CNTN5: variants seen among roughly 807,000 people sequenced by gnomAD.
The protein encoded by CNTN5 is contactin 5, also known as contactin-5.
CNTN5 carries 77 observed loss-of-function variants against 129.1 expected under a neutral mutation model. The ratio of observed to expected loss-of-function variants is 0.60; its 90% confidence interval spans 0.50 to 0.72. The LOEUF (loss-of-function observed/expected upper bound fraction) is 0.72, where lower values mean the gene tolerates loss of function less well. Ranked by LOEUF, CNTN5 falls within the 30% of genes least tolerant of loss-of-function variation. CNTN5 has a pLI of 0.00. For missense variants in CNTN5, 1,478 were observed against 1,328.8 expected, an observed-to-expected ratio of 1.11 and a Z score of -1.75; for synonymous variants, 509 against 465.6, an observed-to-expected ratio of 1.09 and a Z score of -1.20.
chr11:100,044,382 A>G (rs900214992), intron 9 of CNTN5, among the ~76,000 whole-genome samples: 1 of 152,090 alleles, frequency 6.6e-6, no homozygotes, highest in Non-Finnish European at 1.5e-5. Flanking sequence ...AGTTCTTTCT[A>G]TGTTTAGTTA....
intron 2 of CNTN5, among the ~76,000 whole-genome samples, chr11:99,347,045 A>G (rs7939741): frequency 1 from 151,920 of 152,368 alleles, 75,738 homozygotes; most frequent in Middle Eastern, 1. Context: ...TTTGTATGCA[A>G]AATCTCATTT....
intron 3 of CNTN5, among the ~76,000 whole-genome samples, chr11:99,556,554 A>AAT (rs199758207): frequency 0.28 from 20,149 of 71,710 alleles, 2,955 homozygotes; most frequent in Non-Finnish European, 0.36. Flanking sequence ...AAGGCTTGGA[A>AAT]ATATATATAT....
intron 3 of CNTN5, among the ~76,000 whole-genome samples, chr11:99,668,118 T>A (rs186090719): frequency 6.6e-6 from 1 of 152,300 alleles, no homozygotes; most frequent in Admixed American, 6.5e-5. Context: ...TCACATAGTA[T>A]ACTTGTCATT....
intron 2 of CNTN5, among the ~76,000 whole-genome samples, chr11:99,377,375 G>A (rs192554328): frequency 2.6e-5 from 4 of 152,100 alleles, no homozygotes; most frequent in Admixed American, 6.6e-5. Flanking sequence ...CTATGAAATT[G>A]TTTATGTCTG....
At chr11:100,158,740 G>T (rs1304182250) in intron 13 of CNTN5, among the ~76,000 whole-genome samples, 1 of 151,806 alleles carries the variant, frequency 6.6e-6, no homozygotes, top group African/African-American at 2.4e-5. Flanking sequence ...TGCTGGAAGG[G>T]TTATATATTT....
At chr11:100,116,014 A>C (rs150667980) in intron 13 of CNTN5, among the ~76,000 whole-genome samples, 219 of 152,164 alleles carry the variant, frequency 1.4e-3, no homozygotes, top group Non-Finnish European at 2.5e-3. Flanking sequence ...TGAAGCCATT[A>C]ATGCTTTTGG....
At chr11:99,613,246 T>C (rs2135736704) in intron 3 of CNTN5, among the ~76,000 whole-genome samples, 1 of 152,174 alleles carries the variant, frequency 6.6e-6, no homozygotes, top group African/African-American at 2.4e-5. Flanking sequence ...ATGGGGGCGG[T>C]TTTCCCCGTG....
chr11:99,697,649 G>A (rs1954331498), intron 3 of CNTN5, among the ~76,000 whole-genome samples: 1 of 151,252 alleles, frequency 6.6e-6, no homozygotes, highest in Non-Finnish European at 1.5e-5. Flanking sequence ...GAGAAAATTA[G>A]GGAAATCTGA....
chr11:99,687,326 A>T (rs1008928396), intron 3 of CNTN5, among the ~76,000 whole-genome samples: 1 of 152,146 alleles, frequency 6.6e-6, no homozygotes, highest in Non-Finnish European at 1.5e-5. Flanking sequence ...CTGGAACTGT[A>T]ATTTACTAAG....
intron 3 of CNTN5, among the ~76,000 whole-genome samples, chr11:99,774,828 C>A (rs1036778932): frequency 6.6e-6 from 1 of 151,972 alleles, no homozygotes; most frequent in Non-Finnish European, 1.5e-5. Flanking sequence ...CAGTTTTGTT[C>A]TTTTCTACTA....
chr11:99,728,862 G>C (rs556332338), intron 3 of CNTN5, among the ~76,000 whole-genome samples: 1 of 152,332 alleles, frequency 6.6e-6, no homozygotes, highest in South Asian at 2.1e-4. Context: ...TGAGCATACA[G>C]TAGAGCCAGA....
At chr11:99,243,739 T>G (rs897735095) in intron 1 of CNTN5, among the ~76,000 whole-genome samples, 18 of 127,610 alleles carry the variant, frequency 1.4e-4, no homozygotes, top group Non-Finnish European at 2.5e-4. Flanking sequence ...ATTGCTTATT[T>G]TTTTTTTTTT....
intron 1 of CNTN5, among the ~76,000 whole-genome samples, chr11:99,095,757 T>C (rs1866446025): frequency 6.6e-6 from 1 of 151,802 alleles, no homozygotes; most frequent in Non-Finnish European, 1.5e-5. Flanking sequence ...TGGATAAAGA[T>C]TTAGCAGGCA....
At chr11:99,181,294 G>A (rs1858047583) in intron 1 of CNTN5, among the ~76,000 whole-genome samples, 1 of 152,206 alleles carries the variant, frequency 6.6e-6, no homozygotes, top group South Asian at 2.1e-4. Flanking sequence ...GGAACAGGAA[G>A]AGTTCTACTA....
intron 1 of CNTN5, among the ~76,000 whole-genome samples, chr11:99,094,444 G>A (rs1452578478): frequency 1.3e-5 from 2 of 151,936 alleles, no homozygotes; most frequent in Non-Finnish European, 2.9e-5. Flanking sequence ...ATAGCCCCTT[G>A]TGGCATAAGA....
intron 3 of CNTN5, among the ~76,000 whole-genome samples, chr11:99,672,301 G>A (rs1310190676): frequency 6.6e-6 from 1 of 152,102 alleles, no homozygotes; most frequent in Non-Finnish European, 1.5e-5. Flanking sequence ...GAAAGTACCA[G>A]TGTTGCCACC....
chr11:100,003,584 G>A (rs1940008631), intron 9 of CNTN5, among the ~76,000 whole-genome samples: 1 of 151,978 alleles, frequency 6.6e-6, no homozygotes, highest in African/African-American at 2.4e-5. Context: ...TAGACTTATA[G>A]GAAAAAACCA....
chr11:100,285,127 T>C (rs1327299680), intron 18 of CNTN5, among the ~76,000 whole-genome samples: 2 of 152,242 alleles, frequency 1.3e-5, no homozygotes, highest in Admixed American at 6.5e-5. Flanking sequence ...TGGAAGATAT[T>C]TTATTGTATC....
chr11:99,204,932 G>C (rs905243979), intron 1 of CNTN5, among the ~76,000 whole-genome samples: 1 of 152,086 alleles, frequency 6.6e-6, no homozygotes, highest in Non-Finnish European at 1.5e-5. Flanking sequence ...TGACATTCCA[G>C]AAAATATTGA....
Sources: gnomAD v4.1 joint callset for allele counts (sites outside exome capture counted in the v4.1 genomes callset) on GRCh38, gnomAD v4.1.1 for gene constraint, MANE v1.5 for transcripts, NCBI Gene and HGNC (gene_info 2026-07-23, HGNC 2026-07-21) for gene names.